Variants in ETV1 observed in about 807,000 individuals in gnomAD.
ETV1 encodes ETS translocation variant 1.
In ETV1, 27 loss-of-function variants were observed where a neutral mutation model predicts 62.3. That is an observed-to-expected ratio of 0.43 (90% confidence interval 0.32 to 0.60). The LOEUF is 0.60. Among genes scored for constraint, ETV1 ranks in the 20% least tolerant of loss-of-function variants. The pLI is 0.06. For synonymous variants in ETV1, 222 were observed against 199.6 expected (o/e 1.11, Z -0.94); for missense variants, 605 against 605.8 (o/e 1.00, Z 0.01).
chr7:13,908,240 C>G (rs1783180540), intron 11 of ETV1, among the ~76,000 whole-genome samples: 1 of 151,956 alleles, frequency 6.6e-6, no homozygotes, highest in Non-Finnish European at 1.5e-5. Flanking sequence ...ATTTAAAAGT[C>G]GAAGGGAATA....
chr7:13,904,119 C>G (rs1242855339), intron 12 of ETV1, among the ~76,000 whole-genome samples: 4 of 152,122 alleles, frequency 2.6e-5, no homozygotes, highest in Admixed American at 2.6e-4. Context: ...TTTCACAAAC[C>G]CTTTCCAAAG....
At chr7:13,965,075 C>G (rs1432939317) in intron 6 of ETV1, among the ~76,000 whole-genome samples, 2 of 152,144 alleles carry the variant, frequency 1.3e-5, no homozygotes, top group Non-Finnish European at 2.9e-5. Flanking sequence ...CTACTGCCTC[C>G]ATTCCCAAAC....
chr7:13,977,623 T>C lies in ETV1; in HGVS notation c.182-143A>G, dbSNP rs1052352692. The C allele has an allele frequency of 6.4e-6, 4 of 629,390 alleles. No individual in the cohort carries two copies. In the South Asian group the frequency reaches 8.3e-5, roughly 13 times the overall value. The allele number at this position is 629,390 out of a possible 1,614,324, so 39.0% of individuals were successfully genotyped here. A position where few individuals can be genotyped will look rare whatever the true frequency, so the allele number is the denominator to read the frequency against. On this transcript the variant is annotated intron_variant, in intron 5 of 13. Transcript: ENST00000430479. ...TTTGCCAATGAGCTCCTATTTAAAA[T>C]GGTATTGACAACACTACTTAGGAGG...
Position 13,894,154 on chromosome 7 carries a change from AT to A in ETV1, c.*1711del, listed in dbSNP as rs530800704. 0.11 allele frequency: 23,427 copies of A among 206,154 alleles called. 61 individuals carry two copies. The highest frequency in any genetic ancestry group is 0.21 in the Middle Eastern group (140 of 654). The allele number at this position is 206,154 out of a possible 1,614,324, so 12.8% of individuals were successfully genotyped here. ...GGTTTATTTTGACTTTGTGTTTAGAATTTTTTTTTTTTTTTGCTTTTTGCTA... is the reference window on the plus strand; with the variant it reads ...GGTTTATTTTGACTTTGTGTTTAGAATTTTTTTTTTTTTTGCTTTTTGCTA... On this transcript the variant is annotated 3_prime_UTR_variant, in exon 14 of 14. Coordinates refer to ENST00000430479, the MANE Select transcript of ETV1 (RefSeq NM_004956.5).
chr7:13,908,682 G>T (rs1305168586), intron 11 of ETV1, among the ~76,000 whole-genome samples: 1 of 151,986 alleles, frequency 6.6e-6, no homozygotes, highest in African/African-American at 2.4e-5. Flanking sequence ...GAAGGGTAAG[G>T]GTAGCACAAA....
intron 5 of ETV1, 111 bp from the exon 6 acceptor site, chr7:13,977,591 A>G (rs1781581253): frequency 1.4e-6 from 1 of 722,108 alleles, no homozygotes; most frequent in East Asian, 2.7e-5. Context: ...GATCAAACCT[A>G]TGATTATTTG....
intron 6 of ETV1, among the ~76,000 whole-genome samples, chr7:13,966,604 G>T (rs2189884): frequency 0.58 from 87,643 of 151,874 alleles, 25,892 homozygotes; most frequent in Admixed American, 0.67. Context: ...CTGAGATCAT[G>T]CCACTGCACT....
chr7:13,964,289 T>C (rs1471883464), intron 6 of ETV1, among the ~76,000 whole-genome samples: 2 of 152,184 alleles, frequency 1.3e-5, no homozygotes, highest in Admixed American at 6.6e-5. Flanking sequence ...TACATCTTTA[T>C]AGGGATGAGC....
At chr7:13,985,595 C>T (rs1782471908) in intron 5 of ETV1, 1 of 156,808 alleles carries the variant, frequency 6.4e-6, no homozygotes, top group Non-Finnish European at 1.4e-5. Flanking sequence ...GAGACCCACT[C>T]TCTCCTTTTT....
intron 8 of ETV1, 74 bp from the exon 9 acceptor site, chr7:13,931,823 C>T (rs1405347215): frequency 5.1e-6 from 8 of 1,555,132 alleles, no homozygotes; most frequent in Non-Finnish European, 7.0e-6. Context: ...TACGGTTTTC[C>T]ATTTCTTAGT....
At chr7:13,906,307 T>G in intron 12 of ETV1, 123 bp downstream of exon 12, 5 of 633,540 alleles carry the variant, frequency 7.9e-6, no homozygotes, top group Non-Finnish European at 1.2e-5. Flanking sequence ...GCTTTTTAAT[T>G]CAGAAAGTTT....
chr7:13,925,175 A>T (rs1179549688), intron 9 of ETV1, among the ~76,000 whole-genome samples: 3 of 151,980 alleles, frequency 2.0e-5, no homozygotes, highest in Non-Finnish European at 4.4e-5. Flanking sequence ...CCCTCTCTTC[A>T]TTCCCTACTC....
intron 6 of ETV1, among the ~76,000 whole-genome samples, chr7:13,943,859 T>C (rs1024219355): frequency 1.3e-5 from 2 of 152,102 alleles, no homozygotes; most frequent in African/African-American, 2.4e-5. Flanking sequence ...TGAATGTATA[T>C]CAATATAAAG....
intron 9 of ETV1, among the ~76,000 whole-genome samples, chr7:13,912,606 T>C (rs142006738): frequency 6.6e-6 from 1 of 152,314 alleles, no homozygotes; most frequent in African/African-American, 2.4e-5. Context: ...GATGGCAATT[T>C]AGAAATATAT....
Position 13,899,969 on chromosome 7 carries a change from G to T in ETV1, c.1212+769C>A, listed in dbSNP as rs117577359. ...TATGGCGAAACGCCATCTCTTCTAA[G>T]AACACAAAAATTAGCTGGGTGTGGT... On this transcript the variant is annotated intron_variant, in intron 13 of 13. Coordinates refer to ENST00000430479, the MANE Select transcript of ETV1 (RefSeq NM_004956.5). Among the ~76,000 whole-genome samples, 358 of 152,168 alleles carry T rather than the reference G, an allele frequency of 2.4e-3. 2 individuals are homozygous for T. Among genetic ancestry groups the T allele is most frequent in the East Asian group, 0.011 (55 of 5,154 alleles).
At chr7:13,910,506 T>G in intron 10 of ETV1, 1 of 575,678 alleles carries the variant, frequency 1.7e-6, no homozygotes, top group Non-Finnish European at 2.2e-6. Flanking sequence ...ATTTACCATC[T>G]CATACTACCC....
chr7:13,913,812 T>G (rs1446420256), intron 9 of ETV1, among the ~76,000 whole-genome samples: 1 of 151,806 alleles, frequency 6.6e-6, no homozygotes, highest in Non-Finnish European at 1.5e-5. Flanking sequence ...ACAATAAAAT[T>G]CATTATAAAC....
chr7:13,913,393 T>C (rs560535303), intron 9 of ETV1, among the ~76,000 whole-genome samples: 2 of 152,308 alleles, frequency 1.3e-5, no homozygotes, highest in South Asian at 4.1e-4. Flanking sequence ...AGTTCTGACA[T>C]TGCATGGGAG....
chr7:13,920,445 T>A (rs1052124124), intron 9 of ETV1, among the ~76,000 whole-genome samples: 14 of 151,118 alleles, frequency 9.3e-5, no homozygotes, highest in Admixed American at 8.6e-4. Flanking sequence ...TGAGTGAGTG[T>A]GTGTGTGTGT....
Sources: gnomAD v4.1 joint callset for allele counts (sites outside exome capture counted in the v4.1 genomes callset) on GRCh38, gnomAD v4.1.1 for gene constraint, MANE v1.5 for transcripts, NCBI Gene and HGNC (gene_info 2026-07-23, HGNC 2026-07-21) for gene names.